Variants in GNG5 observed in about 807,000 individuals in gnomAD.
The protein encoded by GNG5 is guanine nucleotide-binding protein G(I)/G(S)/G(O) subunit gamma-5.
Under a neutral mutation model 6.2 loss-of-function variants are expected in GNG5, and 2 were observed. That is an observed-to-expected ratio of 0.32 (90% CI 0.13 to 1.01). The LOEUF (loss-of-function observed/expected upper bound fraction) is 1.01, where lower values mean the gene tolerates loss of function less well. Ranked by LOEUF, GNG5 falls within the 50% of genes least tolerant of loss-of-function variation. The pLI is 0.48. For missense variants in GNG5, 57 were observed against 80.2 expected (o/e 0.71, Z 1.10); for synonymous variants, 24 against 33.0 (o/e 0.73, Z 0.93).
chr1:84,505,422 G>A (rs1412980215), intron 2 of GNG5, among the ~76,000 whole-genome samples: 1 of 152,166 alleles, frequency 6.6e-6, no homozygotes, highest in Non-Finnish European at 1.5e-5. Flanking sequence ...GCACTGACCG[G>A]AACTTTACAC....
chr1:84,505,924 T>C (rs971525660), intron 2 of GNG5, 87 bp downstream of exon 2: 1 of 936,126 alleles, frequency 1.1e-6, no homozygotes, highest in Non-Finnish European at 1.5e-6. Context: ...GGCCGGCGCG[T>C]GTCCCGCCCG....
At chr1:84,505,830 C>T (rs1570365307) in intron 2 of GNG5, among the ~76,000 whole-genome samples, 181 bp downstream of exon 2, 1 of 152,212 alleles carries the variant, frequency 6.6e-6, no homozygotes, top group Admixed American at 6.5e-5. Context: ...TAAAACACAG[C>T]GTAGACCCAC....
In GNG5 at chr1:84,506,115, T is replaced by C; in HGVS notation, c.-24A>G. On this transcript the variant is annotated 5_prime_UTR_variant, in exon 2 of 4. Coordinates refer to ENST00000370645, the MANE Select transcript of GNG5 (RefSeq NM_005274.3). The stretch of plus-strand genomic sequence containing the variant: ...ATGGTGCACGCGACGGCCGGGCCGA[T>C]TCGTGGGTCGGTGGGTCGTGGGCCG... The C allele has an allele frequency of 6.4e-7, 1 of 1,567,108 alleles. No homozygotes were observed.
chr1:84,502,459 T>C (rs1381651063), intron 2 of GNG5, among the ~76,000 whole-genome samples: 1 of 152,146 alleles, frequency 6.6e-6, no homozygotes, highest in Non-Finnish European at 1.5e-5. Flanking sequence ...TTAAAACTAG[T>C]GCTTGCAAAT....
At position 84,506,170 on chromosome 1, in the gene GNG5, C is replaced by G. The variant is rs1355132769; in HGVS notation, c.-79G>C. On this transcript the variant is annotated 5_prime_UTR_variant, in exon 2 of 4. Coordinates refer to ENST00000370645, the MANE Select transcript of GNG5 (RefSeq NM_005274.3). ...TCGGCGGGGCCAGACAACTCAGCGG[C>G]GCGCGGCGGGGGCGGGGCTCCGAAC... The G allele has an allele frequency of 8.3e-7, 1 of 1,200,192 alleles. No individual in the cohort carries two copies. 74.3% of individuals were successfully genotyped at this position (1,200,192 alleles called of 1,614,324 possible). A position where few individuals can be genotyped will look rare whatever the true frequency, so the allele number is the denominator to read the frequency against.
rs1337012017 is a variant in GNG5 at position 84,501,768 on chromosome 1, AGAG to A, written c.*19+55_*19+57del. Reference sequence around the variant, plus strand: ...ATGATCTTTTAAGTGCTGCAAAGAAAGAGAAGACTAGTTATTCCTACAGTGTGG... The same window carrying A: ...ATGATCTTTTAAGTGCTGCAAAGAAAAAGACTAGTTATTCCTACAGTGTGG... On this transcript the variant is annotated intron_variant, in intron 3 of 3. Coordinates refer to ENST00000370645, the MANE Select transcript of GNG5 (RefSeq NM_005274.3). The A allele has an allele frequency of 4.9e-6, 5 of 1,024,260 alleles. No homozygotes were observed. In the Admixed American group the frequency reaches 7.4e-5, roughly 15 times the overall value. 63.4% of individuals were successfully genotyped at this position (1,024,260 alleles called of 1,614,324 possible).
intron 3 of GNG5, among the ~76,000 whole-genome samples, 165 bp downstream of exon 3, chr1:84,501,661 A>T (rs565564539): frequency 6.6e-6 from 1 of 152,326 alleles, no homozygotes; most frequent in Admixed American, 6.5e-5. Flanking sequence ...ATGGCTACTA[A>T]GTCAGCAAGT....
rs140132840 is a variant in GNG5 at position 84,502,132 on chromosome 1, C to CTTTT, written c.82-166_82-163dup. 4.7e-4 allele frequency among the ~76,000 whole-genome samples: 48 copies of CTTTT among 102,082 alleles called. 1 individual carries two copies. Among genetic ancestry groups the CTTTT allele is most frequent in the African/African-American group, 9.8e-4 (23 of 23,562 alleles). 67.0% of individuals were successfully genotyped at this position (102,082 alleles called of 152,430 possible). A position where few individuals can be genotyped will look rare whatever the true frequency, so the allele number is the denominator to read the frequency against. On this transcript the variant is annotated intron_variant, in intron 2 of 3. Coordinates refer to ENST00000370645, the MANE Select transcript of GNG5 (RefSeq NM_005274.3). Reference sequence around the variant, plus strand: ...GAAGACTTAAGTCAAATAGTGAGCTCTTTTTTTTTTTTTTTTTTTTTTTGA... The same window carrying CTTTT: ...GAAGACTTAAGTCAAATAGTGAGCTCTTTTTTTTTTTTTTTTTTTTTTTTTTTGA...
Position 84,501,820 on chromosome 1 carries a change from A to G in GNG5, c.*19+6T>C. The stretch of plus-strand genomic sequence containing the variant: ...GGGTTTTTGTTTTAAATTTAAGGAA[A>G]CTTACCTTTGAAAGATTCATTTTAC... On this transcript the variant is annotated splice_donor_region_variant and intron_variant, in intron 3 of 3. Transcript: ENST00000370645. 1.3e-6 allele frequency: 2 copies of G among 1,587,048 alleles called. No individual in the cohort carries two copies. Among genetic ancestry groups the G allele is most frequent in the Non-Finnish European group, 1.7e-6 (2 of 1,157,652 alleles).
rs923938626 is a variant in GNG5, at chr1:84,506,358, G to T, written c.-210-57C>A. On this transcript the variant is annotated intron_variant, in intron 1 of 3. Coordinates refer to ENST00000370645, the MANE Select transcript of GNG5 (RefSeq NM_005274.3). Reference sequence around the variant, plus strand: ...GTCGGTGGGCGCGGCGGCTGCTGGAGGCTAGCGCGACCCGACTCTTAAGTT... The same window carrying T: ...GTCGGTGGGCGCGGCGGCTGCTGGATGCTAGCGCGACCCGACTCTTAAGTT... 355 of 348,488 alleles carry T rather than the reference G, an allele frequency of 1.0e-3. 1 individual carries two copies. Among genetic ancestry groups the T allele is most frequent in the Non-Finnish European group, 4.6e-4 (87 of 189,856 alleles). The allele number at this position is 348,488 out of a possible 1,614,324, so 21.6% of individuals were successfully genotyped here.
chr1:84,504,709 C>T (rs1338543590), intron 2 of GNG5, among the ~76,000 whole-genome samples: 3 of 151,992 alleles, frequency 2.0e-5, no homozygotes, highest in African/African-American at 7.3e-5. Flanking sequence ...GAAATGGATT[C>T]CAAACTGCAG....
At chr1:84,505,779 T>C (rs1471350699) in intron 2 of GNG5, among the ~76,000 whole-genome samples, 1 of 152,114 alleles carries the variant, frequency 6.6e-6, no homozygotes, top group African/African-American at 2.4e-5. Context: ...CCAGCCCGCC[T>C]CGGAAAGTCC....
At chr1:84,500,214 A>G (rs1682028190) in intron 3 of GNG5, among the ~76,000 whole-genome samples, 1 of 152,206 alleles carries the variant, frequency 6.6e-6, no homozygotes, top group Non-Finnish European at 1.5e-5. Context: ...CTGAATTAGA[A>G]TTTGCATTTT....
At chr1:84,505,391 C>T (rs914132165) in intron 2 of GNG5, among the ~76,000 whole-genome samples, 2 of 152,206 alleles carry the variant, frequency 1.3e-5, no homozygotes, top group Non-Finnish European at 2.9e-5. Context: ...GAAATGCACG[C>T]TTTGTTCGAG....
In GNG5 at chr1:84,506,253, GCCTTGCCAGCCCTCTGTT is replaced by G; in HGVS notation, c.-180_-163del. ...GGCTCCACCCTCGGTGCGCATGCGC[GCCTTGCCAGCCCTCTGTT>G]CCAGCTCCACACCCGGCCCCGAGCG... is the stretch of plus-strand genomic sequence containing the variant. On this transcript the variant is annotated 5_prime_UTR_variant, in exon 2 of 4. Coordinates refer to ENST00000370645, the MANE Select transcript of GNG5 (RefSeq NM_005274.3). 1 of 493,460 alleles carries G rather than the reference GCCTTGCCAGCCCTCTGTT, an allele frequency of 2.0e-6. No homozygotes were observed. Among genetic ancestry groups the G allele is most frequent in the Non-Finnish European group, 3.4e-6 (1 of 291,958 alleles). 30.6% of individuals were successfully genotyped at this position (493,460 alleles called of 1,614,324 possible). A position where few individuals can be genotyped will look rare whatever the true frequency, so the allele number is the denominator to read the frequency against.
At chr1:84,498,657 T>C (rs543424527) in intron 3 of GNG5, 109 bp from the exon 4 acceptor site, 2 of 152,630 alleles carry the variant, frequency 1.3e-5, no homozygotes, top group East Asian at 3.9e-4. Flanking sequence ...GAAATGCCTA[T>C]GGTCCAGTAA....
Position 84,506,314 on chromosome 1 carries a change from G to A in GNG5, c.-210-13C>T. 2.5e-6 allele frequency: 1 copy of A among 406,594 alleles called. No individual in the cohort carries two copies. The highest frequency in any genetic ancestry group is 4.4e-6 in the Non-Finnish European group (1 of 226,220). The allele number at this position is 406,594 out of a possible 1,614,324, so 25.2% of individuals were successfully genotyped here. The stretch of plus-strand genomic sequence containing the variant: ...CCCGAGCGCGAGCCTGGAGGAGGGG[G>A]AGGAGAAGGGGCGGAGCAGTCGGTG... On this transcript the variant is annotated splice_polypyrimidine_tract_variant and intron_variant, in intron 1 of 3. Coordinates refer to ENST00000370645, the MANE Select transcript of GNG5 (RefSeq NM_005274.3).
Position 84,506,220 on chromosome 1 carries a change from T to G in GNG5, c.-129A>C. On this transcript the variant is annotated 5_prime_UTR_variant, in exon 2 of 4. Transcript: ENST00000370645. Reference sequence around the variant, plus strand: ...CTTTGTCTCTAAGTTTCCGGTTCTGTGCTCAGCGGCTCCACCCTCGGTGCG... The same window carrying G: ...CTTTGTCTCTAAGTTTCCGGTTCTGGGCTCAGCGGCTCCACCCTCGGTGCG... The G allele has an allele frequency of 1.5e-6, 1 of 652,798 alleles. No homozygotes were observed. The highest frequency in any genetic ancestry group is 2.4e-6 in the Non-Finnish European group (1 of 423,230). 40.4% of individuals were successfully genotyped at this position (652,798 alleles called of 1,614,324 possible). A position where few individuals can be genotyped will look rare whatever the true frequency, so the allele number is the denominator to read the frequency against.
At chr1:84,503,191 A>G (rs935339737) in intron 2 of GNG5, among the ~76,000 whole-genome samples, 4 of 152,216 alleles carry the variant, frequency 2.6e-5, no homozygotes, top group Non-Finnish European at 5.9e-5. Context: ...TAATATCTGA[A>G]GTCTTGAACT....
Sources: allele counts gnomAD v4.1 joint callset (sites outside exome capture counted in the v4.1 genomes callset), GRCh38; gene constraint gnomAD v4.1.1; transcripts MANE v1.5; gene names NCBI Gene and HGNC (gene_info 2026-07-23, HGNC 2026-07-21).